Variants in IMMP2L observed in about 807,000 individuals in gnomAD.
The protein encoded by IMMP2L is inner mitochondrial membrane peptidase subunit 2.
In IMMP2L, 18 loss-of-function variants were observed where a neutral mutation model predicts 19.3. The observed-to-expected ratio is 0.93, with a 90% CI of 0.64 to 1.38. The LOEUF is 1.38. Among genes scored for constraint, IMMP2L ranks in the 40% most tolerant of loss-of-function variants. IMMP2L has a pLI of 0.00. For synonymous variants in IMMP2L, 76 were observed against 73.0 expected (o/e 1.04, Z -0.21); for missense variants, 233 against 218.2 (o/e 1.07, Z -0.43).
intron 5 of IMMP2L, among the ~76,000 whole-genome samples, chr7:110,873,429 CAAAAA>C (rs60827428): frequency 0.078 from 2,230 of 28,692 alleles, 47 homozygotes; most frequent in African/African-American, 0.2. Flanking sequence ...GACTCTATCT[CAAAAA>C]AAAAAAAAAA....
At chr7:111,148,520 T>C (rs1018104654) in intron 3 of IMMP2L, among the ~76,000 whole-genome samples, 1 of 151,994 alleles carries the variant, frequency 6.6e-6, no homozygotes, top group Admixed American at 6.6e-5. Flanking sequence ...AGTATATGAA[T>C]TATATCTCAA....
At chr7:111,265,386 A>G (rs148877003) in intron 3 of IMMP2L, among the ~76,000 whole-genome samples, 36 of 152,326 alleles carry the variant, frequency 2.4e-4, no homozygotes, top group African/African-American at 6.3e-4. Flanking sequence ...CTGATTCTCA[A>G]TGGAATCTGA....
At chr7:111,299,573 G>GAAAAA (rs71147472) in intron 3 of IMMP2L, among the ~76,000 whole-genome samples, 1 of 118,662 alleles carries the variant, frequency 8.4e-6, no homozygotes. Flanking sequence ...AGCTGAAGCA[G>GAAAAA]AAAAAAAAAA....
chr7:111,548,642 G>GT (rs1205738794), intron 1 of IMMP2L, among the ~76,000 whole-genome samples: 2 of 151,840 alleles, frequency 1.3e-5, no homozygotes, highest in Non-Finnish European at 2.9e-5. Context: ...GAAGTGTATA[G>GT]TTTTTTTTAT....
At chr7:111,362,934 T>G (rs1361454055) in intron 3 of IMMP2L, among the ~76,000 whole-genome samples, 2 of 152,034 alleles carry the variant, frequency 1.3e-5, no homozygotes, top group African/African-American at 4.8e-5. Flanking sequence ...GGAGGACCAA[T>G]TTTAGGACAG....
At chr7:111,130,282 A>C (rs1801722481) in intron 3 of IMMP2L, among the ~76,000 whole-genome samples, 2 of 152,268 alleles carry the variant, frequency 1.3e-5, no homozygotes, top group South Asian at 2.1e-4. Flanking sequence ...TATCATACAC[A>C]ATTTCAAAAT....
chr7:110,672,632 G>A (rs1031091151), intron 5 of IMMP2L, among the ~76,000 whole-genome samples: 1 of 152,188 alleles, frequency 6.6e-6, no homozygotes, highest in African/African-American at 2.4e-5. Context: ...TGAGGGTACA[G>A]GCATTGGGTA....
intron 3 of IMMP2L, among the ~76,000 whole-genome samples, chr7:111,394,662 T>C (rs1351401188): frequency 6.6e-6 from 1 of 152,142 alleles, no homozygotes; most frequent in Non-Finnish European, 1.5e-5. Flanking sequence ...AATAAAGTTC[T>C]TTCATCTCAA....
rs546127324 is a variant in IMMP2L, at chr7:110,834,341, T to C, written c.408+52252A>G. 2.1e-4 allele frequency among the ~76,000 whole-genome samples: 30 copies of C among 145,470 alleles called. No individual in the cohort carries two copies. In the East Asian group the frequency reaches 5.0e-3, roughly 24 times the overall value. On this transcript the variant is annotated intron_variant, in intron 5 of 5. Transcript: ENST00000405709. ...GACATAAATCAGGCCTTACTGGTCA[T>C]ATTAACACAAAGTTAAGAGTGTGTG...
At chr7:111,204,073 T>C (rs1358147164) in intron 3 of IMMP2L, among the ~76,000 whole-genome samples, 4 of 152,170 alleles carry the variant, frequency 2.6e-5, no homozygotes, top group Non-Finnish European at 4.4e-5. Flanking sequence ...AAAAATATTC[T>C]TTTACCTTTT....
At chr7:111,464,473 C>A (rs1259527522) in intron 3 of IMMP2L, among the ~76,000 whole-genome samples, 3 of 152,106 alleles carry the variant, frequency 2.0e-5, no homozygotes, top group African/African-American at 7.2e-5. Flanking sequence ...CACGGCAAAA[C>A]CATGCCTCAT....
At chr7:110,769,383 A>C (rs1798887565) in intron 5 of IMMP2L, among the ~76,000 whole-genome samples, 2 of 152,174 alleles carry the variant, frequency 1.3e-5, no homozygotes, top group Non-Finnish European at 2.9e-5. Context: ...TTTGCATATA[A>C]GCTTTTAATT....
chr7:111,151,612 A>G lies in IMMP2L; in HGVS notation c.240-188047T>C, dbSNP rs75392591. On this transcript the variant is annotated intron_variant, in intron 3 of 5. Coordinates refer to ENST00000405709, the MANE Select transcript of IMMP2L (RefSeq NM_032549.4). ...TCTTTTGAAAAAACCAAATGTAAAAAATAAACATAACATTTATGAGTCAAT... is the reference window on the plus strand; with the variant it reads ...TCTTTTGAAAAAACCAAATGTAAAAGATAAACATAACATTTATGAGTCAAT... Among the ~76,000 whole-genome samples, 1,464 of 152,294 alleles carry G rather than the reference A, an allele frequency of 9.6e-3. 23 individuals are homozygous for G. Among genetic ancestry groups the G allele is most frequent in the African/African-American group, 0.033 (1,355 of 41,564 alleles).
chr7:110,697,260 T>C (rs535757626), intron 5 of IMMP2L, among the ~76,000 whole-genome samples: 1 of 152,266 alleles, frequency 6.6e-6, no homozygotes, highest in South Asian at 2.1e-4. Flanking sequence ...AAAACAGATA[T>C]AGATGGATTC....
intron 3 of IMMP2L, among the ~76,000 whole-genome samples, chr7:111,228,658 T>C (rs1813366871): frequency 6.6e-6 from 1 of 152,064 alleles, no homozygotes; most frequent in Non-Finnish European, 1.5e-5. Flanking sequence ...GTGAGTTTTG[T>C]ATGAAATTTC....
chr7:110,866,218 G>A (rs1169386223), intron 5 of IMMP2L, among the ~76,000 whole-genome samples: 1 of 151,896 alleles, frequency 6.6e-6, no homozygotes, highest in Non-Finnish European at 1.5e-5. Context: ...TTGGGGTGAA[G>A]AGAAGAAAAG....
At chr7:110,701,896 T>C (rs1011068539) in intron 5 of IMMP2L, among the ~76,000 whole-genome samples, 4 of 152,138 alleles carry the variant, frequency 2.6e-5, no homozygotes, top group Admixed American at 6.6e-5. Context: ...TATATGTGTA[T>C]AGTCAAATAA....
chr7:111,049,297 A>C (rs2129572551), intron 3 of IMMP2L, among the ~76,000 whole-genome samples: 1 of 151,214 alleles, frequency 6.6e-6, no homozygotes, highest in Admixed American at 6.6e-5. Flanking sequence ...CGCCCGGCTA[A>C]TTTTTTTGTA....
intron 3 of IMMP2L, among the ~76,000 whole-genome samples, chr7:111,392,504 T>C (rs1267109992): frequency 2.6e-5 from 4 of 152,174 alleles, no homozygotes; most frequent in African/African-American, 2.4e-5. Context: ...CTCTCCTAAG[T>C]ATGCTTGAGC....
Sources: gnomAD v4.1 joint callset for allele counts (sites outside exome capture counted in the v4.1 genomes callset) on GRCh38, gnomAD v4.1.1 for gene constraint, MANE v1.5 for transcripts, NCBI Gene and HGNC (gene_info 2026-07-23, HGNC 2026-07-21) for gene names.